TGFBR2: variants seen among roughly 807,000 people sequenced by gnomAD.
TGFBR2 encodes transforming growth factor beta receptor 2.
Under a neutral mutation model 49.0 loss-of-function variants are expected in TGFBR2, and 18 were observed. That is an observed-to-expected ratio of 0.37 (90% CI 0.25 to 0.54). TGFBR2 has a LOEUF of 0.54. Ranked by LOEUF, TGFBR2 falls within the 20% of genes least tolerant of loss-of-function variation. The probability of loss-of-function intolerance (pLI) is 0.85; values close to 1 mark genes in which losing one functional copy is unlikely to be tolerated. For missense variants in TGFBR2, 525 were observed against 722.6 expected, an observed-to-expected ratio of 0.73 and a Z score of 3.13; for synonymous variants, 282 against 275.9, an observed-to-expected ratio of 1.02 and a Z score of -0.22.
chr3:30,636,199 GTA>G (rs1553626435), intron 1 of TGFBR2, among the ~76,000 whole-genome samples: 10 of 139,948 alleles, frequency 7.1e-5, no homozygotes, highest in African/African-American at 2.2e-4. Context: ...GTGTGTGTGT[GTA>G]TAGTACTGGG....
chr3:30,663,915 G>A (rs1199930099), intron 3 of TGFBR2, among the ~76,000 whole-genome samples: 1 of 140,084 alleles, frequency 7.1e-6, no homozygotes, highest in Non-Finnish European at 1.5e-5. Flanking sequence ...GTGCTCTTGG[G>A]CCAAGTATAT....
chr3:30,645,124 C>T (rs1016829299), intron 2 of TGFBR2, among the ~76,000 whole-genome samples: 21 of 151,858 alleles, frequency 1.4e-4, no homozygotes, highest in Non-Finnish European at 2.9e-4. Flanking sequence ...GGTATATAAA[C>T]GTATCATGAT....
chr3:30,633,373 T>C (rs1698471740), intron 1 of TGFBR2, among the ~76,000 whole-genome samples: 1 of 152,234 alleles, frequency 6.6e-6, no homozygotes, highest in Non-Finnish European at 1.5e-5. Flanking sequence ...ATCTGATTTC[T>C]AAAGTAGATG....
At chr3:30,616,193 A>T (rs1043356101) in intron 1 of TGFBR2, among the ~76,000 whole-genome samples, 8 of 152,098 alleles carry the variant, frequency 5.3e-5, no homozygotes, top group African/African-American at 1.9e-4. Context: ...TAATGGTAGG[A>T]TTTGTTTGTT....
chr3:30,691,539 G>A lies in TGFBR2; in HGVS notation c.1644G>A (p.Ser548=), dbSNP rs781309781. Residue 548 remains serine (S), a synonymous_variant, in exon 7 of 7, where the codon TCG becomes TCA. Coordinates refer to ENST00000295754, the MANE Select transcript of TGFBR2 (RefSeq NM_003242.6). ...FSELEHLDRL[S]GRSCSEEKIP... is the part of the protein sequence containing the mutation. ...AGCTGGAGCATCTGGACAGGCTCTC[G>A]GGGAGGAGCTGCTCGGAGGAGAAGA... The A allele has an allele frequency of 8.1e-6, 13 of 1,614,004 alleles. No homozygotes were observed. The highest frequency in any genetic ancestry group is 1.6e-4 in the Middle Eastern group (1 of 6,084).
intron 1 of TGFBR2, among the ~76,000 whole-genome samples, chr3:30,641,644 C>G (rs574990669): frequency 6.6e-6 from 1 of 152,276 alleles, no homozygotes; most frequent in African/African-American, 2.4e-5. Context: ...TCCTCATATA[C>G]AGTGGGTGCT....
intron 6 of TGFBR2, among the ~76,000 whole-genome samples, chr3:30,690,380 G>A (rs1196902958): frequency 1.3e-5 from 2 of 152,202 alleles, no homozygotes; most frequent in East Asian, 1.9e-4. Context: ...TGGTCTCCTT[G>A]GATGGGAGCT....
intron 1 of TGFBR2, chr3:30,626,924 G>A (rs901745380): frequency 6.6e-6 from 1 of 152,194 alleles, no homozygotes; most frequent in Admixed American, 6.5e-5. Flanking sequence ...TCAGCAGAAA[G>A]GTAATCAGAT....
chr3:30,630,035 C>T (rs577590053), intron 1 of TGFBR2, among the ~76,000 whole-genome samples: 1 of 152,232 alleles, frequency 6.6e-6, no homozygotes, highest in South Asian at 2.1e-4. Flanking sequence ...GCTTCTCTTT[C>T]TAAGAGTTAC....
At chr3:30,623,481 G>A (rs1370499048) in intron 1 of TGFBR2, among the ~76,000 whole-genome samples, 3 of 152,188 alleles carry the variant, frequency 2.0e-5, no homozygotes, top group Non-Finnish European at 2.9e-5. Context: ...ATTTAAGACT[G>A]GAGAATTTCT....
intron 1 of TGFBR2, among the ~76,000 whole-genome samples, chr3:30,608,810 A>G (rs1697983602): frequency 1.3e-5 from 2 of 152,172 alleles, no homozygotes; most frequent in East Asian, 3.8e-4. Flanking sequence ...AGAATGTTCA[A>G]TTGTCTCTCA....
At chr3:30,624,477 G>T (rs1339638643) in intron 1 of TGFBR2, among the ~76,000 whole-genome samples, 1 of 151,872 alleles carries the variant, frequency 6.6e-6, no homozygotes, top group African/African-American at 2.4e-5. Context: ...TTAACTGGGC[G>T]TGGTGGCACG....
chr3:30,688,254 C>T (rs1699657435), intron 5 of TGFBR2, 130 bp from the exon 6 acceptor site: 5 of 1,211,102 alleles, frequency 4.1e-6, no homozygotes, highest in Non-Finnish European at 1.2e-6. Flanking sequence ...AAAATTTGCT[C>T]TTAGAGTAAT....
At position 30,650,465 on chromosome 3, in the gene TGFBR2, GTT is replaced by G. The variant is rs1489925744; in HGVS notation, c.454+8_454+9del. The G allele has an allele frequency of 1.9e-6, 3 of 1,613,858 alleles. No homozygotes were observed. Among genetic ancestry groups the G allele is most frequent in the South Asian group, 2.2e-5 (2 of 91,078 alleles). ...ACAACATCATCTTCTCAGAAGGTGAGTTTTCTTCTCTTAAGGGTGTGGGACCT... is the reference window on the plus strand; with the variant it reads ...ACAACATCATCTTCTCAGAAGGTGAGTTCTTCTCTTAAGGGTGTGGGACCT... On this transcript the variant is annotated splice_donor_region_variant and intron_variant, in intron 3 of 6. Transcript: ENST00000295754.
At chr3:30,653,608 A>G (rs1476416264) in intron 3 of TGFBR2, among the ~76,000 whole-genome samples, 1 of 152,186 alleles carries the variant, frequency 6.6e-6, no homozygotes, top group Admixed American at 6.5e-5. Flanking sequence ...GGTGGTGAAC[A>G]CAAAAGCTAT....
At chr3:30,621,463 T>G (rs888663309) in intron 1 of TGFBR2, among the ~76,000 whole-genome samples, 1 of 152,084 alleles carries the variant, frequency 6.6e-6, no homozygotes, top group Non-Finnish European at 1.5e-5. Context: ...GTATTTTTAG[T>G]AGAGACAGGG....
At chr3:30,669,121 CAAAAAAAAAAAAAAA>C (rs56069409) in intron 3 of TGFBR2, among the ~76,000 whole-genome samples, 3 of 83,476 alleles carry the variant, frequency 3.6e-5, no homozygotes, top group African/African-American at 5.5e-5. Flanking sequence ...ACTAAAAATA[CAAAAAAAAAAAAAAA>C]AAAAAAAAAA....
At chr3:30,684,470 G>A (rs897009236) in intron 5 of TGFBR2, among the ~76,000 whole-genome samples, 3 of 152,158 alleles carry the variant, frequency 2.0e-5, no homozygotes, top group East Asian at 1.9e-4. Context: ...ATCCCCATCC[G>A]TACTCCTAAT....
At chr3:30,637,079 A>G (rs1407330463) in intron 1 of TGFBR2, among the ~76,000 whole-genome samples, 4 of 151,056 alleles carry the variant, frequency 2.6e-5, no homozygotes, top group South Asian at 2.1e-4. Flanking sequence ...AAAAAAAAAA[A>G]GCAATAAAAG....
Sources: gnomAD v4.1 joint callset for allele counts (sites outside exome capture counted in the v4.1 genomes callset) on GRCh38, gnomAD v4.1.1 for gene constraint, MANE v1.5 for transcripts, NCBI Gene and HGNC (gene_info 2026-07-23, HGNC 2026-07-21) for gene names.